DPY19L3: variants seen among roughly 807,000 people sequenced by gnomAD.
The protein encoded by DPY19L3 is protein C-mannosyl-transferase DPY19L3.
In DPY19L3, 51 loss-of-function variants were observed where a neutral mutation model predicts 92.3. The ratio of observed to expected loss-of-function variants is 0.55; its 90% confidence interval spans 0.44 to 0.70. The LOEUF is 0.70. Among genes scored for constraint, DPY19L3 ranks in the 30% least tolerant of loss-of-function variants. The pLI is 0.00. For synonymous variants in DPY19L3, 309 were observed against 315.2 expected, an observed-to-expected ratio of 0.98 and a Z score of 0.21; for missense variants, 706 against 855.9, an observed-to-expected ratio of 0.82 and a Z score of 2.18.
chr19:32,411,746 T>C (rs1376036559), intron 3 of DPY19L3: 2 of 233,600 alleles, frequency 8.6e-6, no homozygotes, highest in African/African-American at 4.5e-5. Flanking sequence ...TTTTGTATTT[T>C]TACTAGAGAC....
intron 8 of DPY19L3, among the ~76,000 whole-genome samples, chr19:32,449,429 A>G (rs1454301351): frequency 1.3e-5 from 2 of 152,156 alleles, no homozygotes; most frequent in African/African-American, 2.4e-5. Context: ...TAATCCTGAA[A>G]TTCATATGGA....
intron 8 of DPY19L3, among the ~76,000 whole-genome samples, chr19:32,443,715 G>A (rs1340701962): frequency 6.6e-6 from 1 of 152,242 alleles, no homozygotes; most frequent in South Asian, 2.1e-4. Flanking sequence ...TGCTAACATG[G>A]CAGATTTAAA....
chr19:32,425,723 A>G (rs945475448), intron 3 of DPY19L3, among the ~76,000 whole-genome samples: 1 of 152,030 alleles, frequency 6.6e-6, no homozygotes, highest in Non-Finnish European at 1.5e-5. Flanking sequence ...AGTAGATCTC[A>G]ACAGTGGGCC....
intron 6 of DPY19L3, 180 bp from the exon 7 acceptor site, chr19:32,438,932 T>C (rs1969234099): frequency 1.4e-6 from 1 of 697,038 alleles, no homozygotes; most frequent in East Asian, 2.8e-5. Context: ...TATGCCAATT[T>C]TATGTTACAG....
intron 3 of DPY19L3, among the ~76,000 whole-genome samples, chr19:32,423,469 A>G (rs561983255): frequency 4.3e-5 from 6 of 140,788 alleles, no homozygotes; most frequent in Non-Finnish European, 7.6e-5. Flanking sequence ...TGTTCGAGAC[A>G]TGCCAGGCTG....
chr19:32,440,711 A>G (rs1201291872), intron 8 of DPY19L3, among the ~76,000 whole-genome samples: 1 of 152,208 alleles, frequency 6.6e-6, no homozygotes, highest in Non-Finnish European at 1.5e-5. Flanking sequence ...AAATGCCAAT[A>G]TGTGTAATTC....
intron 12 of DPY19L3, among the ~76,000 whole-genome samples, chr19:32,460,169 T>C (rs1046910350): frequency 6.6e-6 from 1 of 151,396 alleles, no homozygotes; most frequent in South Asian, 2.1e-4. Flanking sequence ...CTTTGGGAGG[T>C]TGAGAAGGAT....
intron 16 of DPY19L3, among the ~76,000 whole-genome samples, chr19:32,473,051 CATTAT>C (rs1970403213): frequency 1.3e-5 from 2 of 152,112 alleles, no homozygotes; most frequent in South Asian, 2.1e-4. Flanking sequence ...AATGTTCACA[CATTAT>C]ATTATAATGC....
At chr19:32,418,047 T>C (rs922766320) in intron 3 of DPY19L3, among the ~76,000 whole-genome samples, 2 of 152,172 alleles carry the variant, frequency 1.3e-5, no homozygotes, top group African/African-American at 4.8e-5. Context: ...ATCTTGTAGA[T>C]GTGTGGGTGA....
chr19:32,428,547 AG>A (rs1457378594), intron 3 of DPY19L3, among the ~76,000 whole-genome samples: 2 of 152,194 alleles, frequency 1.3e-5, no homozygotes, highest in African/African-American at 4.8e-5. Context: ...TGGCTCAACC[AG>A]GCTTAGAGGG....
At chr19:32,420,104 C>G (rs921211307) in intron 3 of DPY19L3, among the ~76,000 whole-genome samples, 1 of 151,698 alleles carries the variant, frequency 6.6e-6, no homozygotes. Flanking sequence ...ATGATCCGCC[C>G]GCCTCAGCCT....
intron 18 of DPY19L3, chr19:32,481,449 C>G (rs1246075588): frequency 2.6e-5 from 4 of 152,144 alleles, no homozygotes; most frequent in East Asian, 1.9e-4. Context: ...GGGTCTCACT[C>G]TGTCACTCAG....
chr19:32,451,344 CAA>C (rs1488820004), intron 8 of DPY19L3, among the ~76,000 whole-genome samples: 3 of 152,160 alleles, frequency 2.0e-5, no homozygotes, highest in Non-Finnish European at 4.4e-5. Context: ...GGTTTTGACT[CAA>C]GAGCCCACCT....
intron 1 of DPY19L3, 120 bp downstream of exon 1, chr19:32,406,029 C>T (rs1198549438): frequency 6.6e-6 from 1 of 151,078 alleles, no homozygotes; most frequent in African/African-American, 2.4e-5. Context: ...CCGCGTGGCG[C>T]AGTCGGGGGG....
At chr19:32,469,766 T>C (rs1970302352) in intron 16 of DPY19L3, among the ~76,000 whole-genome samples, 1 of 152,168 alleles carries the variant, frequency 6.6e-6, no homozygotes, top group African/African-American at 2.4e-5. Flanking sequence ...AGAATGAAAT[T>C]TGTGTATTTC....
intron 14 of DPY19L3, among the ~76,000 whole-genome samples, 176 bp downstream of exon 14, chr19:32,464,156 A>T (rs1210529180): frequency 2.0e-5 from 3 of 152,076 alleles, no homozygotes; most frequent in Admixed American, 6.6e-5. Context: ...ATTTTATTTT[A>T]AAAAATTACT....
intron 12 of DPY19L3, among the ~76,000 whole-genome samples, chr19:32,458,790 A>G (rs1472989550): frequency 6.6e-6 from 1 of 152,182 alleles, no homozygotes; most frequent in Non-Finnish European, 1.5e-5. Flanking sequence ...CCATTTCCTT[A>G]TCTTTAGAAT....
At position 32,438,962 on chromosome 19, in the gene DPY19L3, GATGATGATGATA is replaced by G. The variant is rs1043763919; in HGVS notation, c.597-148_597-137del. On this transcript the variant is annotated intron_variant, in intron 6 of 18. Coordinates refer to ENST00000392250, the MANE Select transcript of DPY19L3 (RefSeq NM_001172774.2). ...TTACAGGGATGATGATGATGATGAT[GATGATGATGATA>G]AGGACAATTATTGAGAACCAGTGGC... 36 of 767,456 alleles carry G rather than the reference GATGATGATGATA, an allele frequency of 4.7e-5. 1 individual carries two copies. The highest frequency in any genetic ancestry group is 2.9e-4 in the Admixed American group (11 of 37,730). 47.5% of individuals were successfully genotyped at this position (767,456 alleles called of 1,614,324 possible).
chr19:32,478,272 G>C (rs184219320), intron 17 of DPY19L3, among the ~76,000 whole-genome samples: 54 of 152,286 alleles, frequency 3.5e-4, no homozygotes, highest in African/African-American at 1.3e-3. Context: ...AAGGACGTGA[G>C]GTTAGGCCAC....
Sources: gnomAD v4.1 joint callset for allele counts (sites outside exome capture counted in the v4.1 genomes callset) on GRCh38, gnomAD v4.1.1 for gene constraint, MANE v1.5 for transcripts, NCBI Gene and HGNC (gene_info 2026-07-23, HGNC 2026-07-21) for gene names.